The following COL4A4 variants were observed in gnomAD, a reference collection of about 807,000 sequenced individuals.
COL4A4 encodes the protein collagen type IV alpha 4 chain, also known as collagen alpha-4(IV) chain.
COL4A4 carries 105 observed loss-of-function variants against 192.9 expected under a neutral mutation model. The observed-to-expected ratio is 0.54, with a 90% CI of 0.46 to 0.64. The LOEUF (loss-of-function observed/expected upper bound fraction) is 0.64, where lower values mean the gene tolerates loss of function less well. Ranked by LOEUF, COL4A4 falls within the 30% of genes least tolerant of loss-of-function variation. COL4A4 has a pLI of 0.00. For synonymous variants in COL4A4, 762 were observed against 769.9 expected, an observed-to-expected ratio of 0.99 and a Z score of 0.17; for missense variants, 1,967 against 2,169.3, an observed-to-expected ratio of 0.91 and a Z score of 1.85.
intron 23 of COL4A4, among the ~76,000 whole-genome samples, chr2:227,081,753 A>G (rs2059337754): frequency 6.6e-6 from 1 of 152,246 alleles, no homozygotes; most frequent in Admixed American, 6.5e-5. Flanking sequence ...ATTACTTAAA[A>G]AAACGATTTC....
rs59829565 is a variant in COL4A4, at chr2:227,154,596, T to G, written c.-101-7012A>C. ...ACTACTAACTCACTGACTGCACATA[T>G]TTTCCTTTTTGGCCTTTCGACACTG... is the stretch of plus-strand genomic sequence containing the variant. On this transcript the variant is annotated intron_variant, in intron 1 of 47. Transcript: ENST00000396625. 6.5e-3 allele frequency among the ~76,000 whole-genome samples: 984 copies of G among 152,340 alleles called. 10 individuals carry two copies. The highest frequency in any genetic ancestry group is 0.023 in the African/African-American group (942 of 41,584).
At chr2:226,982,501 A>G in the COL4A4 span, among the ~76,000 whole-genome samples, 6 of 152,256 alleles carry the variant, frequency 3.9e-5, no homozygotes, top group Admixed American at 1.3e-4. Flanking sequence ...AGCATTCAGC[A>G]TCAATAGATG....
chr2:227,007,909 G>T, intron 47 of COL4A4, 109 bp downstream of exon 47: 2 of 1,370,580 alleles, frequency 1.5e-6, no homozygotes, highest in East Asian at 2.4e-5. Context: ...GTAACCTTAT[G>T]TCCTAAGCGC....
chr2:227,050,371 T>C (rs986156414), intron 33 of COL4A4, among the ~76,000 whole-genome samples: 1 of 152,244 alleles, frequency 6.6e-6, no homozygotes, highest in Non-Finnish European at 1.5e-5. Flanking sequence ...CTACACTTGG[T>C]TGTGAAACAG....
chr2:227,075,037 C>T (rs545737147), intron 25 of COL4A4, among the ~76,000 whole-genome samples: 1 of 152,048 alleles, frequency 6.6e-6, no homozygotes, highest in Non-Finnish European at 1.5e-5. Context: ...AAAAAGCCCA[C>T]GACCAGATGG....
At chr2:227,030,972 G>A (rs1399462449) in intron 40 of COL4A4, among the ~76,000 whole-genome samples, 1 of 140,380 alleles carries the variant, frequency 7.1e-6, no homozygotes, top group Non-Finnish European at 1.6e-5. Context: ...ATGGATAGGT[G>A]GATAGACGGT....
chr2:227,045,817 CACATAT>C (rs1972433817), intron 35 of COL4A4, among the ~76,000 whole-genome samples: 1 of 33,758 alleles, frequency 3.0e-5, no homozygotes. Flanking sequence ...TATATATATA[CACATAT>C]ATATATATAC....
chr2:227,126,009 G>A (rs535528952), intron 4 of COL4A4, among the ~76,000 whole-genome samples: 10 of 152,186 alleles, frequency 6.6e-5, no homozygotes, highest in East Asian at 1.9e-4. Flanking sequence ...CAAGACAGGC[G>A]GCCCTCCATA....
intron 25 of COL4A4, among the ~76,000 whole-genome samples, chr2:227,065,666 G>A (rs1440491808): frequency 1.3e-5 from 2 of 151,998 alleles, no homozygotes. Context: ...GCAGCTGAGG[G>A]TACTGTTAGA....
Position 227,043,163 on chromosome 2 carries a change from T to G in COL4A4, c.3311A>C (p.Glu1104Ala), listed in dbSNP as rs770845937. The change falls in exon 36 of 48, where the codon GAG becomes GCG. Residue 1104 changes from glutamate (E) to alanine (A), a missense_variant. Glu to Ala is a moderately radical substitution (Grantham distance 107). Transcript: ENST00000396625. ...CCCTTGAATACCAGGCAAGCCCTGC[T>G]CTCCGGATGCTCCAAAATGCCCTAA... The part of the protein sequence containing the change: ...GCPGHFGASG[E>A]QGLPGIQGPR... The G allele has an allele frequency of 1.2e-6, 2 of 1,614,102 alleles. No individual in the cohort carries two copies. Among genetic ancestry groups the G allele is most frequent in the Admixed American group, 3.3e-5 (2 of 60,022 alleles).
At chr2:227,096,745 T>C (rs1052899344) in intron 19 of COL4A4, among the ~76,000 whole-genome samples, 4 of 152,304 alleles carry the variant, frequency 2.6e-5, no homozygotes, top group Non-Finnish European at 4.4e-5. Flanking sequence ...GTAGGAGAAA[T>C]TGGAACTTTT....
intron 4 of COL4A4, among the ~76,000 whole-genome samples, chr2:227,132,391 G>A (rs1354326320): frequency 1.3e-5 from 2 of 152,166 alleles, no homozygotes; most frequent in African/African-American, 4.8e-5. Flanking sequence ...TGGCCTGGTT[G>A]GATGCCTGGC....
At chr2:226,986,361 C>T in the COL4A4 span, among the ~76,000 whole-genome samples, 1 of 151,790 alleles carries the variant, frequency 6.6e-6, no homozygotes, top group African/African-American at 2.4e-5. Flanking sequence ...ATGTTGGTTT[C>T]TTAGTTTCGA....
chr2:227,114,989 G>T (rs559353094), intron 7 of COL4A4, among the ~76,000 whole-genome samples: 2 of 152,008 alleles, frequency 1.3e-5, no homozygotes, highest in East Asian at 1.9e-4. Flanking sequence ...CACATGCATT[G>T]TTCCTACAAA....
rs370886041 is a variant in COL4A4 at position 227,077,988 on chromosome 2, T to C, written c.1893A>G (p.Gly631=). The C allele has an allele frequency of 3.1e-4, 505 of 1,613,846 alleles. 5 individuals carry two copies. In the South Asian group the frequency reaches 5.0e-3, roughly 16 times the overall value. ...PGKAGPVGPP[G]LGFPGPPGER... is the part of the protein sequence containing the mutation. The stretch of plus-strand genomic sequence containing the variant: ...CTCCTGGTGGACCAGGAAATCCCAG[T>C]CCTGGGGGCCCCACAGGTCCTGCTT... The change falls in exon 25 of 48, where the codon GGA becomes GGG. Residue 631 remains glycine (G), a synonymous_variant. Coordinates refer to ENST00000396625, the MANE Select transcript of COL4A4 (RefSeq NM_000092.5).
intron 23 of COL4A4, 45 bp downstream of exon 23, chr2:227,082,070 A>C (rs2059354781): frequency 6.7e-7 from 1 of 1,490,512 alleles, no homozygotes; most frequent in Admixed American, 1.7e-5. Context: ...GGGTCCATAC[A>C]TCATTCATAA....
At chr2:227,091,991 C>T (rs2059965694) in intron 20 of COL4A4, among the ~76,000 whole-genome samples, 1 of 151,956 alleles carries the variant, frequency 6.6e-6, no homozygotes, top group African/African-American at 2.4e-5. Flanking sequence ...AAACTGCTTA[C>T]TGACTGTGTG....
the COL4A4 span, chr2:226,996,562 T>C: frequency 1.3e-5 from 2 of 152,222 alleles, no homozygotes; most frequent in African/African-American, 4.8e-5. Context: ...AACAGAGATA[T>C]TTTAAAAGAG....
At chr2:227,060,101 G>GAA (rs71422223) in intron 27 of COL4A4, 35 bp downstream of exon 27, 16,196 of 493,504 alleles carry the variant, frequency 0.033, 416 homozygotes, top group African/African-American at 0.063. Context: ...TCCCAAAGCA[G>GAA]AAAAAAAAAA....
Sources: allele counts gnomAD v4.1 joint callset (sites outside exome capture counted in the v4.1 genomes callset), GRCh38; gene constraint gnomAD v4.1.1; transcripts MANE v1.5; gene names NCBI Gene and HGNC (gene_info 2026-07-23, HGNC 2026-07-21).